NSUN2: variants seen among roughly 807,000 people sequenced by gnomAD.
NSUN2 encodes the protein NOP2/Sun RNA methyltransferase 2.
Under a neutral mutation model 92.7 loss-of-function variants are expected in NSUN2, and 63 were observed. That is an observed-to-expected ratio of 0.68 (90% confidence interval 0.56 to 0.84). The LOEUF (loss-of-function observed/expected upper bound fraction) is 0.84. NSUN2 is among the 40% of genes least tolerant of loss of function. The pLI, the probability that NSUN2 is intolerant of heterozygous loss-of-function variation, is 0.00. For missense variants in NSUN2, 989 were observed against 964.9 expected (o/e 1.02, Z -0.33); for synonymous variants, 356 against 348.3 (o/e 1.02, Z -0.25).
In NSUN2 at chr5:6,632,031, T is replaced by C. The variant is rs1216134785; in HGVS notation, c.255-54A>G. On this transcript the variant is annotated intron_variant, in intron 2 of 18. Transcript: ENST00000264670. ...GATCTAAAAAACTAAGTTAATACAT[T>C]GTATCTTCTTAAATTTAAGACTGCA... The C allele has an allele frequency of 3.0e-6, 4 of 1,348,374 alleles. No homozygotes were observed. In the East Asian group the frequency reaches 6.9e-5, roughly 23 times the overall value. 83.5% of individuals were successfully genotyped at this position (1,348,374 alleles called of 1,614,324 possible).
In NSUN2 at chr5:6,620,193, G is replaced by A. The variant is rs1737380513; in HGVS notation, c.728C>T (p.Ala243Val). 1 of 1,613,110 alleles carries A rather than the reference G, an allele frequency of 6.2e-7. No individual in the cohort carries two copies. Among genetic ancestry groups the A allele is most frequent in the Non-Finnish European group, 8.5e-7 (1 of 1,179,716 alleles). The change falls in exon 7 of 19, where the codon GCC becomes GTC. Residue 243 changes from alanine to valine, a missense_variant. Ala to Val is a moderately conservative substitution (Grantham distance 64, BLOSUM62 0). This residue lies in a region of NSUN2 where 356 missense variants were observed against 338.6 expected (regional missense o/e 1.05). Transcript: ENST00000264670. The stretch of plus-strand genomic sequence containing the variant: ...TATCTGGAGCCTGGGTATGCTGGAG[G>A]CATCATGGTTGACCACCATGATGCA... The part of the protein sequence containing the change: ...SPCIMVVNHD[A>V]SSIPRLQIDV...
intron 14 of NSUN2, among the ~76,000 whole-genome samples, chr5:6,605,781 T>G (rs1020063602): frequency 7.9e-5 from 12 of 151,574 alleles, no homozygotes. Flanking sequence ...CACTGCAACC[T>G]CTGCCTCCCG....
intron 14 of NSUN2, 36 bp from the exon 15 acceptor site, chr5:6,605,444 G>T: frequency 6.2e-7 from 1 of 1,603,962 alleles, no homozygotes; most frequent in Non-Finnish European, 8.5e-7. Flanking sequence ...TCCACAATGA[G>T]TTCAAAATCT....
chr5:6,628,888 A>T (rs762765442), intron 3 of NSUN2, among the ~76,000 whole-genome samples: 1 of 151,950 alleles, frequency 6.6e-6, no homozygotes, highest in Non-Finnish European at 1.5e-5. Context: ...ACAAAAAAAT[A>T]AAAAAAATTA....
intron 7 of NSUN2, among the ~76,000 whole-genome samples, chr5:6,619,037 C>G (rs1307052629): frequency 6.6e-6 from 1 of 152,158 alleles, no homozygotes; most frequent in African/African-American, 2.4e-5. Flanking sequence ...CAGCTTGCAA[C>G]CTCTTGCTCA....
At chr5:6,604,746 G>A in intron 15 of NSUN2, 61 bp from the exon 16 acceptor site, 14 of 1,384,788 alleles carry the variant, frequency 1.0e-5, no homozygotes, top group African/African-American at 2.8e-5. Context: ...CTCCTGTAAG[G>A]ATGCCGGGCC....
intron 3 of NSUN2, among the ~76,000 whole-genome samples, chr5:6,626,682 A>G (rs1376356913): frequency 1.3e-5 from 2 of 152,224 alleles, no homozygotes; most frequent in African/African-American, 4.8e-5. Context: ...CTGCACCTAT[A>G]CAGGCATCTG....
At chr5:6,618,935 A>G (rs1048334490) in intron 7 of NSUN2, among the ~76,000 whole-genome samples, 1 of 152,176 alleles carries the variant, frequency 6.6e-6, no homozygotes, top group Non-Finnish European at 1.5e-5. Flanking sequence ...GAATTATCCC[A>G]TGAGATGTAA....
rs189493228 is a variant in NSUN2 at position 6,628,928 on chromosome 5, C to T, written c.359+2945G>A. 8.3e-4 allele frequency among the ~76,000 whole-genome samples: 126 copies of T among 152,218 alleles called. 1 individual carries two copies. The highest frequency in any genetic ancestry group is 2.9e-3 in the African/African-American group (121 of 41,542). ...GGCGTGGTGGCATGCACCTGTAGTC[C>T]GAGCTACTCAGGAGGCTGAGGTGGG... On this transcript the variant is annotated intron_variant, in intron 3 of 18. Transcript: ENST00000264670.
At chr5:6,615,843 A>G (rs1489412675) in intron 9 of NSUN2, among the ~76,000 whole-genome samples, 1 of 152,274 alleles carries the variant, frequency 6.6e-6, no homozygotes, top group Non-Finnish European at 1.5e-5. Flanking sequence ...CTGGCAAAAC[A>G]TAAAAGGAGA....
chr5:6,607,348 G>A lies in NSUN2; in HGVS notation c.1360C>T (p.Gln454Ter). Residue 454 changes from glutamine (Q) to a stop codon, truncating the protein, a stop_gained, in exon 13 of 19, where the codon CAG becomes TAG. Transcript: ENST00000264670. LOFTEE classifies it high-confidence loss of function. ...TCTGTGAGATCTGCAGGGCTCAGCTGTGTGCTTTCTCTGGTCTCTGCAGAT... is the reference window on the plus strand; with the variant it reads ...TCTGTGAGATCTGCAGGGCTCAGCTATGTGCTTTCTCTGGTCTCTGCAGAT... ...GKSAETREST[Q>*]LSPADLTEGK... 6.2e-7 allele frequency: 1 copy of A among 1,614,154 alleles called. No homozygotes were observed. The highest frequency in any genetic ancestry group is 8.5e-7 in the Non-Finnish European group (1 of 1,180,022).
intron 3 of NSUN2, among the ~76,000 whole-genome samples, chr5:6,630,945 T>A (rs1040689176): frequency 3.9e-5 from 6 of 152,010 alleles, no homozygotes; most frequent in Non-Finnish European, 5.9e-5. Flanking sequence ...TACAAAAAAA[T>A]TGGCCGGGCG....
At chr5:6,627,250 GTTA>G (rs1397857784) in intron 3 of NSUN2, among the ~76,000 whole-genome samples, 3 of 152,310 alleles carry the variant, frequency 2.0e-5, no homozygotes, top group African/African-American at 7.2e-5. Context: ...GAAATAGTAG[GTTA>G]CATGCAAATT....
At chr5:6,614,706 C>A (rs1040672991) in intron 9 of NSUN2, among the ~76,000 whole-genome samples, 1 of 152,158 alleles carries the variant, frequency 6.6e-6, no homozygotes, top group Non-Finnish European at 1.5e-5. Flanking sequence ...GCAAGTAACC[C>A]GGTCTGACAG....
At position 6,605,261 on chromosome 5, in the gene NSUN2, T is replaced by A. The variant is rs748693532; in HGVS notation, c.1737+12A>T. On this transcript the variant is annotated intron_variant, in intron 15 of 18. Coordinates refer to ENST00000264670, the MANE Select transcript of NSUN2 (RefSeq NM_017755.6). ...CGCATCACACAGCACTCAGCGTCTG[T>A]GCGGCTGGCACCTTCATCTTCTCAC... 8 of 1,613,838 alleles carry A rather than the reference T, an allele frequency of 5.0e-6. No individual in the cohort carries two copies.
Position 6,605,398 on chromosome 5 carries a change from C to T in NSUN2, c.1612G>A (p.Ala538Thr). The T allele has an allele frequency of 6.2e-7, 1 of 1,614,020 alleles. No individual in the cohort carries two copies. The highest frequency in any genetic ancestry group is 1.1e-5 in the South Asian group (1 of 91,066). ...PLFPPIEKFYALDPSFPRMNL... is the reference protein window; with the variant it reads ...PLFPPIEKFYTLDPSFPRMNL... ...ATCCTTGGGAATGAAGGATCCAAAG[C>T]ATAAAATTTCCTGTACATAACAACA... Residue 538 changes from alanine (A) to threonine (T), a missense_variant, in exon 15 of 19, where the codon GCT becomes ACT. By Grantham distance (58) the Ala-to-Thr change is moderately conservative. This residue lies in a region of NSUN2 where 626 missense variants were observed against 602.3 expected (regional missense o/e 1.04). Transcript: ENST00000264670.
chr5:6,620,298 T>A lies in NSUN2; in HGVS notation c.623A>T (p.Glu208Val). 6.3e-7 allele frequency: 1 copy of A among 1,578,482 alleles called. No homozygotes were observed. The highest frequency in any genetic ancestry group is 8.6e-7 in the Non-Finnish European group (1 of 1,162,692). ...LHADMNVPFPEGFVIANDVDN... is the reference protein window; with the variant it reads ...LHADMNVPFPVGFVIANDVDN... ...CACATCATTCGCAATAACAAATCCC[T>A]CTGAAGGCACAGAATTGCAGTGTCA... is the stretch of plus-strand genomic sequence containing the variant. The change falls in exon 7 of 19, where the codon GAG becomes GTG. Residue 208 changes from glutamate (E) to valine (V), a missense_variant and splice_region_variant. Glu to Val is a moderately radical substitution (Grantham distance 121). Around this residue, in one of 3 missense-constraint regions of NSUN2, gnomAD observed 356 missense variants for 338.6 expected, o/e 1.05. Coordinates refer to ENST00000264670, the MANE Select transcript of NSUN2 (RefSeq NM_017755.6).
chr5:6,615,158 C>A (rs557945485), intron 9 of NSUN2, among the ~76,000 whole-genome samples: 45 of 151,960 alleles, frequency 3.0e-4, no homozygotes, highest in Non-Finnish European at 4.9e-4. Flanking sequence ...AGAGCACCAG[C>A]CAAGAATGCA....
intron 18 of NSUN2, 73 bp downstream of exon 18, chr5:6,602,388 T>C (rs534274938): frequency 2.9e-5 from 42 of 1,466,862 alleles, no homozygotes; most frequent in Non-Finnish European, 1.9e-6. Flanking sequence ...CCAAGTCACT[T>C]TCCTCACCAA....
Sources: gnomAD v4.1 joint callset for allele counts (sites outside exome capture counted in the v4.1 genomes callset) on GRCh38, gnomAD v4.1.1 for gene constraint, gnomAD v4.1.1 regional missense constraint, MANE v1.5 for transcripts, NCBI Gene and HGNC (gene_info 2026-07-23, HGNC 2026-07-21) for gene names.